ACVR1: variants seen among roughly 807,000 people sequenced by gnomAD.
The protein encoded by ACVR1 is activin A receptor type 1, also known as activin receptor type-1.
Under a neutral mutation model 57.1 loss-of-function variants are expected in ACVR1, and 38 were observed. The ratio of observed to expected loss-of-function variants is 0.67; its 90% CI spans 0.51 to 0.87. ACVR1 has a LOEUF of 0.87. Ranked by LOEUF, ACVR1 falls within the 40% of genes least tolerant of loss-of-function variation. The probability of loss-of-function intolerance (pLI) is 0.00; values close to 1 mark genes in which losing one functional copy is unlikely to be tolerated. For synonymous variants in ACVR1, 212 were observed against 228.1 expected (o/e 0.93, Z 0.63); for missense variants, 463 against 638.2 (o/e 0.73, Z 2.96).
In ACVR1 at chr2:157,817,255, G is replaced by A. The variant is rs547959085; in HGVS notation, c.-8+1130C>T. On this transcript the variant is annotated intron_variant, in intron 2 of 10. Coordinates refer to ENST00000434821, the MANE Select transcript of ACVR1 (RefSeq NM_001111067.4). ...TGGGATTAGAGGCATGAGCCACCAT[G>A]CCTGGCTCAAGGCTTCTTTATGCTT... Among the ~76,000 whole-genome samples, 28 of 152,234 alleles carry A rather than the reference G, an allele frequency of 1.8e-4. No homozygotes were observed. The Middle Eastern group carries it at 0.01, about 55-fold the overall frequency.
chr2:157,808,890 A>AC (rs1366340786), intron 2 of ACVR1, among the ~76,000 whole-genome samples: 6 of 151,718 alleles, frequency 4.0e-5, no homozygotes, highest in Non-Finnish European at 8.8e-5. Flanking sequence ...AAAAAAAAAA[A>AC]AAAAAACAGA....
At chr2:157,793,795 T>C (rs1559060474) in intron 3 of ACVR1, among the ~76,000 whole-genome samples, 1 of 152,042 alleles carries the variant, frequency 6.6e-6, no homozygotes, top group Non-Finnish European at 1.5e-5. Flanking sequence ...ATTCTATTCT[T>C]CCCCCCAGCA....
chr2:157,848,019 A>G (rs1436969170), intron 1 of ACVR1, among the ~76,000 whole-genome samples: 1 of 152,208 alleles, frequency 6.6e-6, no homozygotes, highest in Admixed American at 6.5e-5. Flanking sequence ...TATCACAGCC[A>G]AGAGGAACCC....
intron 1 of ACVR1, among the ~76,000 whole-genome samples, chr2:157,873,420 C>G (rs758361646): frequency 1.3e-5 from 2 of 152,200 alleles, no homozygotes; most frequent in Non-Finnish European, 2.9e-5. Context: ...TCATTAAAGC[C>G]ACCCAAACAT....
intron 2 of ACVR1, among the ~76,000 whole-genome samples, chr2:157,817,720 G>T (rs947928163): frequency 2.6e-5 from 4 of 152,152 alleles, no homozygotes; most frequent in Non-Finnish European, 5.9e-5. Flanking sequence ...AAAAATTAGG[G>T]CCGGGCACAG....
intron 1 of ACVR1, among the ~76,000 whole-genome samples, chr2:157,849,921 T>A (rs904062013): frequency 6.6e-6 from 1 of 152,242 alleles, no homozygotes; most frequent in South Asian, 2.1e-4. Context: ...AACATTTCTA[T>A]GTTGACTGTG....
rs1407285162 is a variant in ACVR1, at chr2:157,797,685, G to C, written c.67+1742C>G. The stretch of plus-strand genomic sequence containing the variant: ...CCTGAGCAACTTTTTGGAAATGAGG[G>C]GATGGGAAAGTGAGTAATGAAAGTA... On this transcript the variant is annotated intron_variant, in intron 3 of 10. Transcript: ENST00000434821. Among the ~76,000 whole-genome samples the C allele has an allele frequency of 2.0e-5, 3 of 152,276 alleles. No individual in the cohort carries two copies. The East Asian group carries it at 5.8e-4, about 29-fold the overall frequency.
At chr2:157,804,275 C>T (rs1407973378) in intron 2 of ACVR1, among the ~76,000 whole-genome samples, 1 of 152,152 alleles carries the variant, frequency 6.6e-6, no homozygotes, top group Non-Finnish European at 1.5e-5. Flanking sequence ...GGATACCTGA[C>T]AAAAATGACA....
chr2:157,856,366 A>T (rs1284221622), intron 1 of ACVR1, among the ~76,000 whole-genome samples: 1 of 152,124 alleles, frequency 6.6e-6, no homozygotes, highest in African/African-American at 2.4e-5. Context: ...TCTTGTCCTA[A>T]AACTTGCTGA....
intron 3 of ACVR1, among the ~76,000 whole-genome samples, chr2:157,792,302 A>C (rs1443911781): frequency 1.3e-5 from 2 of 152,198 alleles, no homozygotes; most frequent in Non-Finnish European, 2.9e-5. Context: ...TAGATGTAGC[A>C]TTAACCATGG....
At chr2:157,756,639 C>A (rs941110507) in intron 9 of ACVR1, among the ~76,000 whole-genome samples, 2 of 151,650 alleles carry the variant, frequency 1.3e-5, no homozygotes, top group African/African-American at 2.4e-5. Context: ...TGGCCATAAT[C>A]AAAAAATCAA....
At chr2:157,742,390 C>T (rs923997889) in intron 9 of ACVR1, among the ~76,000 whole-genome samples, 2 of 152,140 alleles carry the variant, frequency 1.3e-5, no homozygotes, top group Admixed American at 1.3e-4. Flanking sequence ...AAATGGTGGC[C>T]AGGGACGGAA....
At chr2:157,791,611 T>A (rs966225941) in intron 3 of ACVR1, among the ~76,000 whole-genome samples, 5 of 152,174 alleles carry the variant, frequency 3.3e-5, no homozygotes, top group African/African-American at 1.2e-4. Context: ...ATTGTTTCCA[T>A]CGTACCAGGT....
chr2:157,758,735 G>A (rs970325205), intron 9 of ACVR1, among the ~76,000 whole-genome samples: 3 of 151,858 alleles, frequency 2.0e-5, no homozygotes, highest in African/African-American at 7.3e-5. Context: ...TTATCCAACA[G>A]CTACAGACTA....
chr2:157,856,026 C>T (rs4664901), intron 1 of ACVR1, among the ~76,000 whole-genome samples: 91,061 of 151,508 alleles, frequency 0.6, 31,702 homozygotes, highest in Non-Finnish European at 0.77. Flanking sequence ...CCTCAACCTA[C>T]GACACCCCAA....
chr2:157,771,986 A>G (rs1475197378), intron 6 of ACVR1, among the ~76,000 whole-genome samples: 1 of 152,190 alleles, frequency 6.6e-6, no homozygotes, highest in East Asian at 1.9e-4. Context: ...TCTGTTTTGT[A>G]TCTTTATTTT....
intron 1 of ACVR1, among the ~76,000 whole-genome samples, chr2:157,839,805 A>G (rs1688917189): frequency 6.6e-6 from 1 of 152,194 alleles, no homozygotes; most frequent in African/African-American, 2.4e-5. Context: ...GCAACACTGT[A>G]TGAGGTCCCA....
At chr2:157,779,852 C>A (rs1686436195) in intron 4 of ACVR1, among the ~76,000 whole-genome samples, 1 of 152,130 alleles carries the variant, frequency 6.6e-6, no homozygotes, top group Non-Finnish European at 1.5e-5. Flanking sequence ...GGTCACTGGG[C>A]ATCAGATATG....
intron 7 of ACVR1, among the ~76,000 whole-genome samples, chr2:157,766,504 C>G (rs1289977768): frequency 6.6e-6 from 1 of 152,194 alleles, no homozygotes; most frequent in East Asian, 1.9e-4. Flanking sequence ...ATGATAGTGC[C>G]AAGCCCTTCA....
Sources: gnomAD v4.1 joint callset for allele counts (sites outside exome capture counted in the v4.1 genomes callset) on GRCh38, gnomAD v4.1.1 for gene constraint, MANE v1.5 for transcripts, NCBI Gene and HGNC (gene_info 2026-07-23, HGNC 2026-07-21) for gene names.